DLC1: variants seen among roughly 807,000 people sequenced by gnomAD.
DLC1 encodes DLC1 Rho GTPase activating protein.
In DLC1, 54 loss-of-function variants were observed where a neutral mutation model predicts 140.3. The ratio of observed to expected loss-of-function variants is 0.38; its 90% CI spans 0.31 to 0.48. DLC1 has a LOEUF of 0.48. Among genes scored for constraint, DLC1 ranks in the 20% least tolerant of loss-of-function variants. DLC1 has a pLI of 0.96. For missense variants in DLC1, 2,536 were observed against 1,907.0 expected, an observed-to-expected ratio of 1.33 and a Z score of -6.14; for synonymous variants, 986 against 728.1, an observed-to-expected ratio of 1.35 and a Z score of -5.70.
intron 4 of DLC1, among the ~76,000 whole-genome samples, chr8:13,335,963 A>G (rs1833794633): frequency 6.6e-6 from 1 of 152,182 alleles, no homozygotes. Flanking sequence ...ATTATAAAAC[A>G]TTAAATTATG....
intron 5 of DLC1, among the ~76,000 whole-genome samples, chr8:13,225,853 G>A (rs1395630151): frequency 6.6e-6 from 1 of 152,028 alleles, no homozygotes; most frequent in Non-Finnish European, 1.5e-5. Context: ...CTGACCTCGC[G>A]ATCCGCCTGC....
chr8:13,103,235 C>T (rs532213998), intron 7 of DLC1, among the ~76,000 whole-genome samples: 3 of 151,942 alleles, frequency 2.0e-5, no homozygotes, highest in Non-Finnish European at 2.9e-5. Flanking sequence ...GGCGTGAACC[C>T]GGGAGGCGGA....
chr8:13,506,827 G>A (rs946134559), intron 1 of DLC1, among the ~76,000 whole-genome samples: 1 of 151,958 alleles, frequency 6.6e-6, no homozygotes, highest in Non-Finnish European at 1.5e-5. Context: ...GAACGAAGAA[G>A]AAGACACCTC....
At chr8:13,566,931 G>C in intron 1 of DLC1, 1 of 1,467,934 alleles carries the variant, frequency 6.8e-7, no homozygotes, top group Non-Finnish European at 9.0e-7. Flanking sequence ...GCTCCTGACG[G>C]GTTCCTGAGC....
intron 4 of DLC1, among the ~76,000 whole-genome samples, chr8:13,364,710 A>T (rs1671407): frequency 0.5 from 75,855 of 151,986 alleles, 20,312 homozygotes; most frequent in East Asian, 0.81. Context: ...GGAATAGGTG[A>T]TTTTTAAAAT....
intron 4 of DLC1, among the ~76,000 whole-genome samples, chr8:13,383,532 G>A (rs976630004): frequency 6.6e-6 from 1 of 152,142 alleles, no homozygotes; most frequent in Non-Finnish European, 1.5e-5. Flanking sequence ...GCTTTTGCTT[G>A]CATTAGAGAC....
intron 2 of DLC1, among the ~76,000 whole-genome samples, chr8:13,412,956 G>T (rs1837854476): frequency 7.5e-6 from 1 of 133,928 alleles, no homozygotes; most frequent in Non-Finnish European, 1.6e-5. Flanking sequence ...AAAAAAAAAT[G>T]CCGGTTTGAA....
intron 5 of DLC1, among the ~76,000 whole-genome samples, chr8:13,149,473 A>G (rs1823656515): frequency 6.6e-6 from 1 of 152,150 alleles, no homozygotes; most frequent in African/African-American, 2.4e-5. Flanking sequence ...TATTGAGCCA[A>G]TCCCCTGCTA....
At chr8:13,316,574 G>C (rs1237076312) in intron 4 of DLC1, among the ~76,000 whole-genome samples, 1 of 152,062 alleles carries the variant, frequency 6.6e-6, no homozygotes, top group African/African-American at 2.4e-5. Flanking sequence ...TGGGCCCATG[G>C]CAAGCCGTAG....
intron 5 of DLC1, among the ~76,000 whole-genome samples, chr8:13,182,920 T>C (rs1585858764): frequency 6.6e-6 from 1 of 152,206 alleles, no homozygotes; most frequent in South Asian, 2.1e-4. Context: ...AGTATGGCCA[T>C]TTTCAGGATA....
chr8:13,320,366 A>C (rs1183774664), intron 4 of DLC1, among the ~76,000 whole-genome samples: 1 of 152,228 alleles, frequency 6.6e-6, no homozygotes, highest in Non-Finnish European at 1.5e-5. Flanking sequence ...CTCTTTGCAT[A>C]ACTCTAACCT....
chr8:13,410,294 T>A (rs1837730045), intron 2 of DLC1, among the ~76,000 whole-genome samples: 1 of 152,100 alleles, frequency 6.6e-6, no homozygotes, highest in Admixed American at 6.6e-5. Context: ...GAGGAAACAC[T>A]GGAAATATTT....
intron 5 of DLC1, among the ~76,000 whole-genome samples, chr8:13,119,524 AT>A (rs1344573461): frequency 7.2e-5 from 11 of 152,218 alleles, no homozygotes; most frequent in Non-Finnish European, 1.3e-4. Context: ...CTTAATACGC[AT>A]AAGGCCCTGT....
intron 2 of DLC1, among the ~76,000 whole-genome samples, chr8:13,465,029 G>T (rs1255808422): frequency 6.6e-6 from 1 of 151,900 alleles, no homozygotes; most frequent in African/African-American, 2.4e-5. Flanking sequence ...ACCATGCATA[G>T]CTCCCTGCAA....
chr8:13,166,151 T>A (rs1825091348), intron 5 of DLC1, among the ~76,000 whole-genome samples: 1 of 152,156 alleles, frequency 6.6e-6, no homozygotes, highest in African/African-American at 2.4e-5. Flanking sequence ...GGCATCTTTT[T>A]TGACCACATA....
intron 1 of DLC1, among the ~76,000 whole-genome samples, chr8:13,542,538 T>G (rs1563430222): frequency 6.6e-6 from 1 of 152,138 alleles, no homozygotes; most frequent in Non-Finnish European, 1.5e-5. Flanking sequence ...CAGAAACTGG[T>G]CATCAATTTC....
intron 5 of DLC1, among the ~76,000 whole-genome samples, chr8:13,198,066 C>A (rs956877716): frequency 6.7e-6 from 1 of 148,602 alleles, no homozygotes; most frequent in East Asian, 2.0e-4. Flanking sequence ...GTCCCGGCAA[C>A]AGAATGAAAC....
chr8:13,376,079 C>T (rs1409410647), intron 4 of DLC1, among the ~76,000 whole-genome samples: 1 of 152,102 alleles, frequency 6.6e-6, no homozygotes, highest in African/African-American at 2.4e-5. Context: ...AAGAGGAAAA[C>T]CTTTTCCCAC....
intron 5 of DLC1, among the ~76,000 whole-genome samples, chr8:13,141,167 A>T (rs905546630): frequency 1.3e-5 from 2 of 149,416 alleles, no homozygotes; most frequent in South Asian, 2.1e-4. Context: ...AGGCAGGAGA[A>T]TCACTTGAAT....
Sources: gnomAD v4.1 joint callset for allele counts (sites outside exome capture counted in the v4.1 genomes callset) on GRCh38, gnomAD v4.1.1 for gene constraint, MANE v1.5 for transcripts, NCBI Gene and HGNC (gene_info 2026-07-23, HGNC 2026-07-21) for gene names.